PIAS1: variants seen among roughly 807,000 people sequenced by gnomAD.
The protein encoded by PIAS1 is protein inhibitor of activated STAT 1.
PIAS1 carries 6 observed loss-of-function variants against 71.3 expected under a neutral mutation model. The ratio of observed to expected loss-of-function variants is 0.08; its 90% CI spans 0.05 to 0.17. The LOEUF (loss-of-function observed/expected upper bound fraction) is 0.17, where lower values mean the gene tolerates loss of function less well. PIAS1 is among the 10% of genes least tolerant of loss of function. The probability of loss-of-function intolerance (pLI) is 1.00; values close to 1 mark genes in which losing one functional copy is unlikely to be tolerated. For synonymous variants in PIAS1, 303 were observed against 292.9 expected (o/e 1.03, Z -0.35); for missense variants, 555 against 793.6 (o/e 0.70, Z 3.61).
At chr15:68,176,260 T>C (rs2093019660) in intron 10 of PIAS1, among the ~76,000 whole-genome samples, 1 of 152,192 alleles carries the variant, frequency 6.6e-6, no homozygotes, top group African/African-American at 2.4e-5. Context: ...TTTGATTGTT[T>C]GCTCTAATTC....
chr15:68,123,136 C>T (rs1191743006), intron 2 of PIAS1, among the ~76,000 whole-genome samples: 1 of 152,122 alleles, frequency 6.6e-6, no homozygotes, highest in Admixed American at 6.5e-5. Flanking sequence ...ACTGCAACCT[C>T]AAACTCCTAG....
At chr15:68,156,606 G>C (rs762008256) in intron 7 of PIAS1, among the ~76,000 whole-genome samples, 1 of 151,884 alleles carries the variant, frequency 6.6e-6, no homozygotes, top group Non-Finnish European at 1.5e-5. Context: ...CTACTCGGAA[G>C]GCTGAGGCAC....
At position 68,086,572 on chromosome 15, in the gene PIAS1, C is replaced by T. The variant is rs1348575553; in HGVS notation, c.291C>T (p.Leu97=). 1 of 1,613,916 alleles carries T rather than the reference C, an allele frequency of 6.2e-7. No individual in the cohort carries two copies. The highest frequency in any genetic ancestry group is 1.1e-5 in the South Asian group (1 of 91,090). ...ATLSPSTIPQ[L]TYDGHPASSP... ...TGTCTCCATCTACCATTCCACAACT[C>T]ACTTACGATGGTCACCCTGCATCAT... is the stretch of plus-strand genomic sequence containing the variant. Residue 97 remains leucine (L), a synonymous_variant, in exon 2 of 14, where the codon CTC becomes CTT. Coordinates refer to ENST00000249636, the MANE Select transcript of PIAS1 (RefSeq NM_016166.3). This position sits in a 1 kb window ranked among gnomAD's most constrained non-coding sequence, Gnocchi z 7.2.
Position 68,153,664 on chromosome 15 carries a change from A to G in PIAS1, c.903A>G (p.Gly301=), listed in dbSNP as rs1358137899. The part of the protein sequence containing the change: ...TVLLQRLRAK[G]IRNPDHSRAL... ...TTCTTCAGAGGTTACGAGCAAAGGGAATAAGGAATCCGGATCATTCTAGAG... is the reference window on the plus strand; with the variant it reads ...TTCTTCAGAGGTTACGAGCAAAGGGGATAAGGAATCCGGATCATTCTAGAG... Residue 301 remains glycine (G), a synonymous_variant, in exon 7 of 14, where the codon GGA becomes GGG. Transcript: ENST00000249636. 8 of 1,578,554 alleles carry G rather than the reference A, an allele frequency of 5.1e-6. No homozygotes were observed. The African/African-American group carries it at 8.1e-5, about 16-fold the overall frequency.
At chr15:68,070,428 T>C (rs1054298407) in intron 1 of PIAS1, among the ~76,000 whole-genome samples, 4 of 152,184 alleles carry the variant, frequency 2.6e-5, no homozygotes, top group African/African-American at 9.7e-5. Flanking sequence ...GCTGGAAATG[T>C]CTAAGATGTG....
At chr15:68,151,680 C>CAA (rs2092845620) in intron 6 of PIAS1, among the ~76,000 whole-genome samples, 1 of 13,560 alleles carries the variant, frequency 7.4e-5, no homozygotes, top group African/African-American at 2.4e-4. Context: ...AACAAAAAAA[C>CAA]AAAACACACA....
rs758204863 is a variant in PIAS1 at position 68,076,350 on chromosome 15, A to G, written c.25-9956A>G. ...GTGAAAGCGCGTCTTTACTAAAAAT[A>G]TAAAAGATTAGCCAGGCATGGTGGC... On this transcript the variant is annotated intron_variant, in intron 1 of 13. Coordinates refer to ENST00000249636, the MANE Select transcript of PIAS1 (RefSeq NM_016166.3). Among the ~76,000 whole-genome samples, 9 of 152,070 alleles carry G rather than the reference A, an allele frequency of 5.9e-5. No individual in the cohort carries two copies. The East Asian group carries it at 1.2e-3, about 20-fold the overall frequency.
chr15:68,140,035 C>G (rs1442353873), intron 2 of PIAS1, among the ~76,000 whole-genome samples: 1 of 152,032 alleles, frequency 6.6e-6, no homozygotes, highest in Non-Finnish European at 1.5e-5. Flanking sequence ...CCAAAAACTA[C>G]AAAGTGTGAA....
intron 7 of PIAS1, among the ~76,000 whole-genome samples, chr15:68,154,261 C>T (rs569799547): frequency 2.6e-5 from 4 of 152,262 alleles, no homozygotes; most frequent in East Asian, 3.9e-4. Context: ...TGTTTTGATA[C>T]GTTGAATTTG....
intron 2 of PIAS1, among the ~76,000 whole-genome samples, chr15:68,137,150 AC>A (rs916297390): frequency 6.6e-6 from 1 of 152,172 alleles, no homozygotes; most frequent in African/African-American, 2.4e-5. Flanking sequence ...ATACTTTTTG[AC>A]CCTGAAATCT....
intron 7 of PIAS1, among the ~76,000 whole-genome samples, chr15:68,157,436 A>G (rs1595775338): frequency 6.6e-6 from 1 of 152,128 alleles, no homozygotes; most frequent in East Asian, 1.9e-4. Flanking sequence ...AGTAGTCTAC[A>G]CTTGCTCTTT....
intron 1 of PIAS1, among the ~76,000 whole-genome samples, chr15:68,065,352 G>A (rs1186678181): frequency 6.6e-6 from 1 of 152,034 alleles, no homozygotes; most frequent in Non-Finnish European, 1.5e-5. Flanking sequence ...CTTTGGGGGA[G>A]ACCTAGGCAG....
At chr15:68,082,062 A>G (rs1401289491) in intron 1 of PIAS1, among the ~76,000 whole-genome samples, 1 of 152,188 alleles carries the variant, frequency 6.6e-6, no homozygotes, top group Non-Finnish European at 1.5e-5. Context: ...GCCAGAAAAC[A>G]ATAAGGAAAG....
chr15:68,144,260 G>T (rs987984816), intron 4 of PIAS1, among the ~76,000 whole-genome samples: 1 of 152,134 alleles, frequency 6.6e-6, no homozygotes, highest in Non-Finnish European at 1.5e-5. Flanking sequence ...TAAGTTAGGA[G>T]TGTATGCCTA....
chr15:68,178,584 T>C lies in PIAS1; in HGVS notation c.1481+1930T>C, dbSNP rs1259808734. Among the ~76,000 whole-genome samples, 1 of 152,214 alleles carries C rather than the reference T, an allele frequency of 6.6e-6. No individual in the cohort carries two copies. The highest frequency in any genetic ancestry group is 1.5e-5 in the Non-Finnish European group (1 of 68,034). On this transcript the variant is annotated intron_variant, in intron 11 of 13. Transcript: ENST00000249636. This position sits in a 1 kb window ranked among gnomAD's most constrained non-coding sequence, Gnocchi z 4.2. ...AGAATTTCAATTCCAAGATATTTTG[T>C]AAATATCAAACCATAGTATGACCAA... is the stretch of plus-strand genomic sequence containing the variant.
intron 8 of PIAS1, among the ~76,000 whole-genome samples, chr15:68,168,252 G>A (rs773435927): frequency 2.6e-5 from 4 of 152,142 alleles, no homozygotes; most frequent in East Asian, 1.9e-4. Flanking sequence ...CAAGTGATCC[G>A]CTTGCCTCAG....
intron 2 of PIAS1, among the ~76,000 whole-genome samples, chr15:68,131,815 T>A (rs921056866): frequency 1.3e-5 from 2 of 152,156 alleles, no homozygotes; most frequent in Admixed American, 6.6e-5. Flanking sequence ...GCAATGAACA[T>A]GGGAGTGTAG....
intron 2 of PIAS1, among the ~76,000 whole-genome samples, chr15:68,123,981 T>TACACAC (rs201775354): frequency 3.2e-4 from 7 of 21,644 alleles, no homozygotes; most frequent in African/African-American, 6.4e-4. Context: ...TATGTGTGAA[T>TACACAC]ATACACACAC....
chr15:68,089,738 T>C (rs1267752457), intron 2 of PIAS1, among the ~76,000 whole-genome samples: 1 of 151,914 alleles, frequency 6.6e-6, no homozygotes, highest in African/African-American at 2.4e-5. Flanking sequence ...GTATTTTTAG[T>C]AGAGATAGGG....
Sources: allele counts gnomAD v4.1 joint callset (sites outside exome capture counted in the v4.1 genomes callset), GRCh38; gene constraint gnomAD v4.1.1; non-coding constraint Gnocchi (gnomAD v3.1); transcripts MANE v1.5; gene names NCBI Gene and HGNC (gene_info 2026-07-23, HGNC 2026-07-21).